The following SLC41A3 variants were observed in gnomAD, a reference collection of about 807,000 sequenced individuals.
SLC41A3 encodes the protein SLC41A1-like 2.
A neutral mutation model predicts 45.4 loss-of-function variants in SLC41A3; 44 were observed. That is an observed-to-expected ratio of 0.97 (90% CI 0.76 to 1.25). The LOEUF (loss-of-function observed/expected upper bound fraction) is 1.25, where lower values mean the gene tolerates loss of function less well. Among genes scored for constraint, SLC41A3 ranks in the 50% most tolerant of loss-of-function variants. SLC41A3 has a pLI of 0.00. For synonymous variants in SLC41A3, 256 were observed against 252.4 expected, an observed-to-expected ratio of 1.01 and a Z score of -0.13; for missense variants, 550 against 600.6, an observed-to-expected ratio of 0.92 and a Z score of 0.88.
At chr3:126,058,903 C>T (rs1002101349) in intron 2 of SLC41A3, among the ~76,000 whole-genome samples, 1 of 152,178 alleles carries the variant, frequency 6.6e-6, no homozygotes, top group African/African-American at 2.4e-5. Context: ...CAAACGTCTG[C>T]CAGGCCTCAT....
intron 6 of SLC41A3, among the ~76,000 whole-genome samples, chr3:126,017,152 C>G (rs1303317074): frequency 6.6e-6 from 1 of 152,236 alleles, no homozygotes; most frequent in Non-Finnish European, 1.5e-5. Context: ...TCCTCCCACC[C>G]TGATGCTACT....
intron 3 of SLC41A3, among the ~76,000 whole-genome samples, chr3:126,047,141 T>C (rs113354202): frequency 6.6e-6 from 1 of 152,022 alleles, no homozygotes; most frequent in African/African-American, 2.4e-5. Context: ...AATGGGCAAA[T>C]AGCTTGAGCT....
At chr3:126,080,795 CA>C (rs2108090548) in intron 1 of SLC41A3, among the ~76,000 whole-genome samples, 1 of 152,114 alleles carries the variant, frequency 6.6e-6, no homozygotes, top group East Asian at 1.9e-4. Flanking sequence ...TACTAAAATA[CA>C]AAAAATTAGC....
intron 3 of SLC41A3, among the ~76,000 whole-genome samples, chr3:126,045,525 TA>T (rs1553735376): frequency 6.6e-6 from 1 of 152,124 alleles, no homozygotes; most frequent in Non-Finnish European, 1.5e-5. Flanking sequence ...GCAGCCTAAT[TA>T]AAATGGATAT....
chr3:126,057,600 C>G (rs1943754261), intron 2 of SLC41A3, among the ~76,000 whole-genome samples: 1 of 152,204 alleles, frequency 6.6e-6, no homozygotes, highest in South Asian at 2.1e-4. Flanking sequence ...GGCACGTTAC[C>G]TGGTTCTCCC....
intron 7 of SLC41A3, 122 bp from the exon 8 acceptor site, chr3:126,015,695 C>T (rs771270457): frequency 3.4e-5 from 31 of 925,084 alleles, no homozygotes; most frequent in Non-Finnish European, 4.9e-5. Context: ...TCTCCTCTCC[C>T]CTACACAAAA....
At chr3:126,079,211 AACACACAC>A (rs63385862) in intron 1 of SLC41A3, among the ~76,000 whole-genome samples, 1 of 54,990 alleles carries the variant, frequency 1.8e-5, no homozygotes, top group Admixed American at 1.5e-4. Context: ...AGGTAAGGGA[AACACACAC>A]ACACACACAC....
chr3:126,051,874 C>T (rs554353960), intron 2 of SLC41A3, among the ~76,000 whole-genome samples: 2 of 152,058 alleles, frequency 1.3e-5, no homozygotes, highest in Non-Finnish European at 2.9e-5. Context: ...AGGAGAAAGG[C>T]GGCCTGGGAT....
At chr3:126,089,367 T>C (rs890630446) in intron 1 of SLC41A3, among the ~76,000 whole-genome samples, 4 of 152,196 alleles carry the variant, frequency 2.6e-5, no homozygotes, top group African/African-American at 9.6e-5. Context: ...TACAGGTTAA[T>C]AAAATAATGA....
intron 3 of SLC41A3, among the ~76,000 whole-genome samples, chr3:126,039,586 C>T (rs969018446): frequency 1.3e-5 from 2 of 152,246 alleles, no homozygotes; most frequent in African/African-American, 4.8e-5. Flanking sequence ...GGTTTCTCCA[C>T]TGCAAACACT....
chr3:126,045,356 C>CAA (rs35447492), intron 3 of SLC41A3, among the ~76,000 whole-genome samples: 9,243 of 145,364 alleles, frequency 0.064, 357 homozygotes, highest in Non-Finnish European at 0.076. Context: ...ATTGGTTCCT[C>CAA]AAAAAAAAAA....
intron 6 of SLC41A3, among the ~76,000 whole-genome samples, chr3:126,022,104 C>T (rs1002234716): frequency 6.6e-6 from 1 of 152,208 alleles, no homozygotes; most frequent in African/African-American, 2.4e-5. Flanking sequence ...AATAAATTCT[C>T]GCTTTGCTTA....
chr3:126,029,404 A>T (rs759726674), intron 4 of SLC41A3, among the ~76,000 whole-genome samples: 2 of 151,132 alleles, frequency 1.3e-5, no homozygotes, highest in Admixed American at 6.6e-5. Flanking sequence ...CTCTGGCCAC[A>T]TGAAGTGCTG....
chr3:126,034,378 A>G (rs780532110), intron 3 of SLC41A3, among the ~76,000 whole-genome samples: 1 of 152,264 alleles, frequency 6.6e-6, no homozygotes, highest in Non-Finnish European at 1.5e-5. Context: ...CAAAGCAAAT[A>G]TATTTTCCTA....
intron 1 of SLC41A3, among the ~76,000 whole-genome samples, chr3:126,076,676 TAAC>T (rs1944893172): frequency 6.6e-6 from 1 of 152,198 alleles, no homozygotes; most frequent in Non-Finnish European, 1.5e-5. Flanking sequence ...CCCTCTCTGA[TAAC>T]AACTCATTCC....
chr3:126,033,763 G>A, intron 3 of SLC41A3, 85 bp from the exon 4 acceptor site: 1 of 1,383,036 alleles, frequency 7.2e-7, no homozygotes, highest in African/African-American at 1.4e-5. Flanking sequence ...GTCTCTCAGG[G>A]AAGAAATCAA....
At chr3:126,052,464 T>A (rs1355912249) in intron 2 of SLC41A3, among the ~76,000 whole-genome samples, 2 of 152,108 alleles carry the variant, frequency 1.3e-5, no homozygotes, top group Non-Finnish European at 2.9e-5. Context: ...AGCAAACTCC[T>A]CCTTTCAGCC....
At chr3:126,027,788 T>C (rs1220408226) in intron 4 of SLC41A3, among the ~76,000 whole-genome samples, 1 of 152,220 alleles carries the variant, frequency 6.6e-6, no homozygotes, top group African/African-American at 2.4e-5. Flanking sequence ...AGGTCTCAGA[T>C]GGAGATGAGG....
chr3:126,025,726 A>C (rs1439700720), intron 5 of SLC41A3: 1 of 152,614 alleles, frequency 6.6e-6, no homozygotes, highest in Admixed American at 6.5e-5. Context: ...CAAAGGGAGC[A>C]GCTGTGAGCC....
Sources: gnomAD v4.1 joint callset for allele counts (sites outside exome capture counted in the v4.1 genomes callset) on GRCh38, gnomAD v4.1.1 for gene constraint, MANE v1.5 for transcripts, NCBI Gene and HGNC (gene_info 2026-07-23, HGNC 2026-07-21) for gene names.